Variants in GARNL3 observed in about 807,000 individuals in gnomAD.
GARNL3 encodes the protein GTPase activating Rap/RanGAP domain like 3.
Under a neutral mutation model 125.0 loss-of-function variants are expected in GARNL3, and 63 were observed. That is an observed-to-expected ratio of 0.50 (90% CI 0.41 to 0.62). GARNL3 has a LOEUF of 0.62. GARNL3 is among the 20% of genes least tolerant of loss of function. GARNL3 has a pLI of 0.00. For missense variants in GARNL3, 994 were observed against 1,244.0 expected (o/e 0.80, Z 3.02); for synonymous variants, 439 against 457.5 (o/e 0.96, Z 0.52).
chr9:127,234,433 G>C (rs1335422648), intron 1 of GARNL3, among the ~76,000 whole-genome samples: 1 of 152,172 alleles, frequency 6.6e-6, no homozygotes, highest in Non-Finnish European at 1.5e-5. Flanking sequence ...TGGTTTTCCT[G>C]GGAGGAGAAG....
At chr9:127,327,621 A>G (rs367544160) in intron 7 of GARNL3, among the ~76,000 whole-genome samples, 1 of 151,872 alleles carries the variant, frequency 6.6e-6, no homozygotes, top group African/African-American at 2.4e-5. Flanking sequence ...CTGACTTCCA[A>G]CTCCTGGGTT....
At chr9:127,390,881 C>T (rs2131845550) in intron 27 of GARNL3, 114 bp downstream of exon 27, 2 of 1,071,780 alleles carry the variant, frequency 1.9e-6, no homozygotes, top group East Asian at 2.5e-5. Flanking sequence ...GCAGCTACAG[C>T]AGAGGGCCAG....
chr9:127,276,580 A>G (rs2063962866), intron 1 of GARNL3, among the ~76,000 whole-genome samples: 1 of 152,216 alleles, frequency 6.6e-6, no homozygotes, highest in Admixed American at 6.5e-5. Context: ...ATTTGCCTAA[A>G]TGCCCACTGG....
At chr9:127,253,957 C>G (rs1326588151) in intron 2 of GARNL3, among the ~76,000 whole-genome samples, 1 of 152,080 alleles carries the variant, frequency 6.6e-6, no homozygotes, top group Admixed American at 6.6e-5. Flanking sequence ...ACTAGAAGGT[C>G]CTTAAGTCTC....
At chr9:127,314,257 C>A (rs2065173979) in intron 4 of GARNL3, among the ~76,000 whole-genome samples, 1 of 152,168 alleles carries the variant, frequency 6.6e-6, no homozygotes, top group South Asian at 2.1e-4. Flanking sequence ...TGCCATAGGC[C>A]TGTGTGTGTC....
At chr9:127,382,145 C>A (rs1024872083) in intron 22 of GARNL3, among the ~76,000 whole-genome samples, 5 of 151,732 alleles carry the variant, frequency 3.3e-5, no homozygotes, top group Admixed American at 2.0e-4. Context: ...ACTAAAAATG[C>A]AAAAACTAGC....
At position 127,264,838 on chromosome 9, in the gene GARNL3, G is replaced by A. The variant is rs181596981; in HGVS notation, c.-40G>A. Reference sequence around the variant, plus strand: ...GGAGGCTCCCCTGCAGTGAGGAGCCGGGGCACTGCAAGTCTGTTCCATAGC... The same window carrying A: ...GGAGGCTCCCCTGCAGTGAGGAGCCAGGGCACTGCAAGTCTGTTCCATAGC... On this transcript the variant is annotated 5_prime_UTR_variant, in exon 1 of 28. Coordinates refer to ENST00000373387, the MANE Select transcript of GARNL3 (RefSeq NM_032293.5). The A allele has an allele frequency of 2.4e-5, 36 of 1,493,316 alleles. No homozygotes were observed. Among genetic ancestry groups the A allele is most frequent in the Admixed American group, 2.0e-4 (10 of 50,444 alleles). 92.5% of individuals were successfully genotyped at this position (1,493,316 alleles called of 1,614,324 possible). A position where few individuals can be genotyped will look rare whatever the true frequency, so the allele number is the denominator to read the frequency against.
chr9:127,270,112 G>C lies in GARNL3; in HGVS notation c.144+5091G>C, dbSNP rs75482484. Among the ~76,000 whole-genome samples, 89 of 152,196 alleles carry C rather than the reference G, an allele frequency of 5.8e-4. 1 individual carries two copies. The highest frequency in any genetic ancestry group is 8.4e-4 in the Non-Finnish European group (57 of 67,998). On this transcript the variant is annotated intron_variant, in intron 1 of 27. Transcript: ENST00000373387. ...AGTTCATTTTTTCTATATGGTGTGA[G>C]GTAAGAGTCCAGCTGCATTCTCTTG...
intron 2 of GARNL3, among the ~76,000 whole-genome samples, chr9:127,295,985 C>T (rs941640137): frequency 2.5e-4 from 38 of 152,240 alleles, no homozygotes; most frequent in African/African-American, 8.2e-4. Context: ...TGCAAATAGA[C>T]GGTTCCATCT....
chr9:127,239,305 A>C (rs2063164226), intron 1 of GARNL3, among the ~76,000 whole-genome samples: 1 of 152,160 alleles, frequency 6.6e-6, no homozygotes, highest in South Asian at 2.1e-4. Context: ...TTCTCATTAG[A>C]AAGCTGGGAC....
chr9:127,239,455 A>G (rs78354906), intron 1 of GARNL3, among the ~76,000 whole-genome samples: 1,557 of 152,340 alleles, frequency 0.01, 17 homozygotes, highest in South Asian at 0.051. Flanking sequence ...CAGACTCTCA[A>G]TGATCTCTTT....
intron 1 of GARNL3, among the ~76,000 whole-genome samples, chr9:127,227,323 AGGCGCAGT>A (rs1340766189): frequency 6.6e-6 from 1 of 152,190 alleles, no homozygotes; most frequent in Non-Finnish European, 1.5e-5. Flanking sequence ...TTTGTGGGCC[AGGCGCAGT>A]GGCTCATGCC....
intron 21 of GARNL3, among the ~76,000 whole-genome samples, chr9:127,361,045 G>A (rs1369521073): frequency 1.3e-5 from 2 of 152,132 alleles, no homozygotes; most frequent in Non-Finnish European, 2.9e-5. Context: ...TTTATGGGAG[G>A]GGCTCAGGTC....
intron 22 of GARNL3, among the ~76,000 whole-genome samples, chr9:127,366,484 G>A (rs1298115344): frequency 6.6e-6 from 1 of 152,182 alleles, no homozygotes; most frequent in Non-Finnish European, 1.5e-5. Flanking sequence ...TGCATCCCCA[G>A]GTTTATGGCT....
rs752148202 is a variant in GARNL3 at position 127,353,865 on chromosome 9, C to G, written c.1563C>G (p.Pro521=). 1.2e-6 allele frequency: 2 copies of G among 1,612,934 alleles called. No homozygotes were observed. The highest frequency in any genetic ancestry group is 1.7e-6 in the Non-Finnish European group (2 of 1,178,980). ...TTCCAGATGACCTTCCATCAGTGCC[C>G]GTGTTTGACAGAACTCTGCCAGTGA... ...LLVDDDLPSV[P]VFDRTLPVKQ... The change falls in exon 18 of 28, where the codon CCC becomes CCG. Residue 521 remains proline (P), a synonymous_variant. Coordinates refer to ENST00000373387, the MANE Select transcript of GARNL3 (RefSeq NM_032293.5).
chr9:127,376,317 C>T (rs1287642872), intron 22 of GARNL3, among the ~76,000 whole-genome samples: 1 of 151,904 alleles, frequency 6.6e-6, no homozygotes, highest in African/African-American at 2.4e-5. Context: ...ACCCCGAGTT[C>T]ACGCCATTCT....
At chr9:127,257,770 A>C (rs1276558091) in intron 2 of GARNL3, among the ~76,000 whole-genome samples, 1 of 152,182 alleles carries the variant, frequency 6.6e-6, no homozygotes, top group African/African-American at 2.4e-5. Flanking sequence ...AAAGGAACCC[A>C]CCTGTGTTCA....
upstream of GARNL3, among the ~76,000 whole-genome samples, chr9:127,263,119 G>A (rs2063626812): frequency 6.6e-6 from 1 of 152,178 alleles, no homozygotes; most frequent in African/African-American, 2.4e-5. Flanking sequence ...TTGCTCCCTG[G>A]TTGTTTTCAT....
intron 27 of GARNL3, among the ~76,000 whole-genome samples, chr9:127,391,303 ATATATTT>A (rs1361380685): frequency 2.1e-5 from 3 of 145,808 alleles, no homozygotes; most frequent in Non-Finnish European, 4.5e-5. Flanking sequence ...TATATATAAT[ATATATTT>A]TATATTTATA....
Sources: allele counts gnomAD v4.1 joint callset (sites outside exome capture counted in the v4.1 genomes callset), GRCh38; gene constraint gnomAD v4.1.1; transcripts MANE v1.5; gene names NCBI Gene and HGNC (gene_info 2026-07-23, HGNC 2026-07-21).